The following CNTNAP2 variants were observed in gnomAD, a reference collection of about 807,000 sequenced individuals.
CNTNAP2 encodes contactin associated protein 2.
In CNTNAP2, 98 loss-of-function variants were observed where a neutral mutation model predicts 155.2. The ratio of observed to expected loss-of-function variants is 0.63; its 90% CI spans 0.54 to 0.75. CNTNAP2 has a LOEUF of 0.75. Among genes scored for constraint, CNTNAP2 ranks in the 30% least tolerant of loss-of-function variants. CNTNAP2 has a pLI of 0.00. For missense variants in CNTNAP2, 1,727 were observed against 1,688.1 expected (o/e 1.02, Z -0.40); for synonymous variants, 651 against 631.2 (o/e 1.03, Z -0.47).
chr7:147,422,070 AGTGT>A (rs891019939), intron 10 of CNTNAP2, among the ~76,000 whole-genome samples: 13 of 144,636 alleles, frequency 9.0e-5, no homozygotes, highest in African/African-American at 2.3e-4. Context: ...ATGGCCTAAT[AGTGT>A]GTGTGTGTGT....
At chr7:146,488,995 G>T (rs1797099938) in intron 1 of CNTNAP2, among the ~76,000 whole-genome samples, 1 of 152,120 alleles carries the variant, frequency 6.6e-6, no homozygotes, top group South Asian at 2.1e-4. Flanking sequence ...TGGAAACAGA[G>T]ATTTCAATTT....
intron 2 of CNTNAP2, among the ~76,000 whole-genome samples, chr7:146,824,889 A>G (rs1385414258): frequency 6.6e-6 from 1 of 150,536 alleles, no homozygotes; most frequent in Non-Finnish European, 1.5e-5. Context: ...TTGATTTTCA[A>G]TTATTTTCTC....
intron 13 of CNTNAP2, among the ~76,000 whole-genome samples, chr7:147,656,425 G>A (rs1307147432): frequency 6.6e-6 from 1 of 152,170 alleles, no homozygotes; most frequent in Non-Finnish European, 1.5e-5. Flanking sequence ...TGAGCGATGT[G>A]TGACTTTCTT....
At chr7:147,881,685 AAGC>A (rs993599549) in intron 13 of CNTNAP2, among the ~76,000 whole-genome samples, 4 of 152,192 alleles carry the variant, frequency 2.6e-5, no homozygotes, top group African/African-American at 9.7e-5. Context: ...CATAAAGAAA[AAGC>A]AGGCCAGCAC....
Position 147,969,811 on chromosome 7 carries a change from GT to G in CNTNAP2, c.2256-8046del, listed in dbSNP as rs1354065875. Reference sequence around the variant, plus strand: ...GATACACACTTTTAACAATTAGATAGTTTTTGGTATTAACCATGAAGTAGCA... The same window carrying G: ...GATACACACTTTTAACAATTAGATAGTTTTGGTATTAACCATGAAGTAGCA... On this transcript the variant is annotated intron_variant, in intron 14 of 23. Coordinates refer to ENST00000361727, the MANE Select transcript of CNTNAP2 (RefSeq NM_014141.6). Among the ~76,000 whole-genome samples the G allele has an allele frequency of 5.9e-5, 9 of 152,124 alleles. No homozygotes were observed. The East Asian group carries it at 1.7e-3, about 29-fold the overall frequency.
At chr7:146,516,046 AT>A (rs1563115650) in intron 1 of CNTNAP2, among the ~76,000 whole-genome samples, 1 of 151,702 alleles carries the variant, frequency 6.6e-6, no homozygotes, top group East Asian at 1.9e-4. Context: ...TTAACACCAC[AT>A]TTTTTTTCTA....
rs182377110 is a variant in CNTNAP2 at position 148,108,100 on chromosome 7, G to A, written c.2384-10018G>A. 3.7e-3 allele frequency among the ~76,000 whole-genome samples: 567 copies of A among 152,316 alleles called. 1 individual carries two copies. Among genetic ancestry groups the A allele is most frequent in the Middle Eastern group, 6.8e-3 (2 of 294 alleles). On this transcript the variant is annotated intron_variant, in intron 15 of 23. Coordinates refer to ENST00000361727, the MANE Select transcript of CNTNAP2 (RefSeq NM_014141.6). ...ATTCCCCATCTCCCCTCTGGGGAGG[G>A]AGGAGACAGGGCAGGGGCAGGCACA...
intron 21 of CNTNAP2, among the ~76,000 whole-genome samples, chr7:148,323,964 A>C (rs1432094035): frequency 6.8e-6 from 1 of 146,412 alleles, no homozygotes; most frequent in Non-Finnish European, 1.5e-5. Context: ...GCTCACTGCA[A>C]CCTCCACCTC....
intron 15 of CNTNAP2, among the ~76,000 whole-genome samples, chr7:148,005,538 C>T (rs546781671): frequency 9.9e-5 from 15 of 152,112 alleles, no homozygotes; most frequent in South Asian, 2.1e-4. Context: ...GTCTGCTCAC[C>T]GGCCCTGCAT....
At chr7:146,704,061 C>T (rs1487044734) in intron 1 of CNTNAP2, among the ~76,000 whole-genome samples, 3 of 151,934 alleles carry the variant, frequency 2.0e-5, no homozygotes, top group Admixed American at 6.6e-5. Flanking sequence ...AGACTCTGAA[C>T]AAATTAATAT....
intron 11 of CNTNAP2, among the ~76,000 whole-genome samples, chr7:147,508,868 T>C (rs1798963658): frequency 6.6e-6 from 1 of 152,158 alleles, no homozygotes; most frequent in Non-Finnish European, 1.5e-5. Context: ...GAACTGTGAG[T>C]CCATTAAACC....
chr7:146,922,043 A>T (rs1302497816), intron 3 of CNTNAP2, among the ~76,000 whole-genome samples: 1 of 152,122 alleles, frequency 6.6e-6, no homozygotes, highest in African/African-American at 2.4e-5. Context: ...ATCTCATTGT[A>T]CCCTTTCAGA....
rs34441877 is a variant in CNTNAP2, at chr7:148,291,298, A to AATATAT, written c.3475+24182_3475+24187dup. ...GACAGAACTAATGGAATATATATAT[A>AATATAT]ATATATATATATATAAAATATGGAA... On this transcript the variant is annotated intron_variant, in intron 21 of 23. Coordinates refer to ENST00000361727, the MANE Select transcript of CNTNAP2 (RefSeq NM_014141.6). 1.5e-3 allele frequency among the ~76,000 whole-genome samples: 198 copies of AATATAT among 131,352 alleles called. 1 individual carries two copies. Among genetic ancestry groups the AATATAT allele is most frequent in the Middle Eastern group, 7.9e-3 (2 of 252 alleles). The allele number at this position is 131,352 out of a possible 152,430, so 86.2% of individuals were successfully genotyped here.
At chr7:146,152,958 C>G (rs1201661135) in intron 1 of CNTNAP2, among the ~76,000 whole-genome samples, 1 of 152,070 alleles carries the variant, frequency 6.6e-6, no homozygotes, top group Non-Finnish European at 1.5e-5. Flanking sequence ...CAACTTTACA[C>G]AACAAATTTG....
chr7:147,686,140 A>C (rs1445565238), intron 13 of CNTNAP2, among the ~76,000 whole-genome samples: 2 of 152,076 alleles, frequency 1.3e-5, no homozygotes, highest in Admixed American at 6.6e-5. Context: ...GTATTTTAGG[A>C]AGAGATGAGA....
chr7:148,042,996 G>A (rs543077201), intron 15 of CNTNAP2, among the ~76,000 whole-genome samples: 5 of 152,172 alleles, frequency 3.3e-5, no homozygotes, highest in Admixed American at 6.5e-5. Context: ...TGAGAATTAT[G>A]TGCAAATTTA....
chr7:146,548,262 A>G (rs1019372758), intron 1 of CNTNAP2, among the ~76,000 whole-genome samples: 8 of 151,856 alleles, frequency 5.3e-5, no homozygotes, highest in African/African-American at 1.7e-4. Flanking sequence ...ATAATGGCCA[A>G]CGTCTCCATC....
At chr7:146,247,925 G>T (rs1251124687) in intron 1 of CNTNAP2, among the ~76,000 whole-genome samples, 3 of 151,600 alleles carry the variant, frequency 2.0e-5, no homozygotes, top group Non-Finnish European at 4.4e-5. Flanking sequence ...CAGAGAAGGG[G>T]TTGGGGCACA....
intron 15 of CNTNAP2, among the ~76,000 whole-genome samples, chr7:148,109,637 G>A (rs9640512): frequency 0.14 from 19,814 of 146,584 alleles, 1,758 homozygotes; most frequent in East Asian, 0.41. Flanking sequence ...GCCCGCCTTG[G>A]CCTCCCAAAG....
Sources: gnomAD v4.1 joint callset for allele counts (sites outside exome capture counted in the v4.1 genomes callset) on GRCh38, gnomAD v4.1.1 for gene constraint, MANE v1.5 for transcripts, NCBI Gene and HGNC (gene_info 2026-07-23, HGNC 2026-07-21) for gene names.